Variants in LRRFIP2 observed in about 807,000 individuals in gnomAD.
LRRFIP2 encodes LRR binding FLII interacting protein 2.
LRRFIP2 carries 109 observed loss-of-function variants against 125.9 expected under a neutral mutation model. The ratio of observed to expected loss-of-function variants is 0.87; its 90% CI spans 0.74 to 1.01. The LOEUF (loss-of-function observed/expected upper bound fraction) is 1.01, where lower values mean the gene tolerates loss of function less well. Ranked by LOEUF, LRRFIP2 falls within the 50% of genes least tolerant of loss-of-function variation. The pLI is 0.00. For missense variants in LRRFIP2, 850 were observed against 862.3 expected (o/e 0.99, Z 0.18); for synonymous variants, 291 against 293.1 (o/e 0.99, Z 0.07).
chr3:37,066,371 A>C (rs2090149413), intron 21 of LRRFIP2, 46 bp from the exon 22 acceptor site: 1 of 1,433,356 alleles, frequency 7.0e-7, no homozygotes, highest in Admixed American at 1.7e-5. Context: ...ACAGAAAAAG[A>C]GCAGGTGAAA....
At chr3:37,146,663 G>A (rs1027821389) in intron 2 of LRRFIP2, among the ~76,000 whole-genome samples, 1 of 152,142 alleles carries the variant, frequency 6.6e-6, no homozygotes, top group Non-Finnish European at 1.5e-5. Flanking sequence ...TTTTATGGCT[G>A]CACAATATTC....
At chr3:37,152,392 A>G (rs1402709546) in intron 1 of LRRFIP2, among the ~76,000 whole-genome samples, 3 of 152,214 alleles carry the variant, frequency 2.0e-5, no homozygotes, top group African/African-American at 4.8e-5. Flanking sequence ...AATCACCACT[A>G]AAGAACTTAC....
At chr3:37,103,916 C>T in intron 14 of LRRFIP2, among the ~76,000 whole-genome samples, 1 of 151,998 alleles carries the variant, frequency 6.6e-6, no homozygotes, top group East Asian at 1.9e-4. Flanking sequence ...ACAGGTACTC[C>T]ACAAACATTT....
chr3:37,065,255 G>A, intron 23 of LRRFIP2: 1 of 200,014 alleles, frequency 5.0e-6, no homozygotes, highest in Non-Finnish European at 1.1e-5. Flanking sequence ...GTTTCCTGGA[G>A]AGAGGTGTCA....
In LRRFIP2 at chr3:37,115,448, T is replaced by C. The variant is rs148494505; in HGVS notation, c.331-353A>G. On this transcript the variant is annotated intron_variant, in intron 6 of 27. Transcript: ENST00000336686. ...TTAAGCATTCTAAAGTCAAAAATGC[T>C]TTTTAAGAAAATTATTATCACTTTT... 3.3e-3 allele frequency among the ~76,000 whole-genome samples: 496 copies of C among 152,352 alleles called. 2 individuals are homozygous for C. Among genetic ancestry groups the C allele is most frequent in the African/African-American group, 0.011 (469 of 41,590 alleles).
chr3:37,125,227 T>C (rs1213325122), intron 4 of LRRFIP2, among the ~76,000 whole-genome samples: 2 of 152,246 alleles, frequency 1.3e-5, no homozygotes, highest in Non-Finnish European at 2.9e-5. Flanking sequence ...TATTTGTTAC[T>C]AAGTTGACAC....
At chr3:37,160,222 T>C (rs2096299762) in intron 1 of LRRFIP2, among the ~76,000 whole-genome samples, 1 of 151,806 alleles carries the variant, frequency 6.6e-6, no homozygotes, top group African/African-American at 2.4e-5. Flanking sequence ...AGTATGCATT[T>C]TGAAATGTGG....
intron 19 of LRRFIP2, among the ~76,000 whole-genome samples, chr3:37,082,786 A>C (rs961370589): frequency 2.0e-5 from 3 of 152,202 alleles, no homozygotes; most frequent in Admixed American, 2.0e-4. Context: ...GTCCTCAAGG[A>C]AAGAAATTCC....
Position 37,129,139 on chromosome 3 carries a change from C to T in LRRFIP2, c.101G>A (p.Arg34Lys), listed in dbSNP as rs773473737. 25 of 1,613,684 alleles carry T rather than the reference C, an allele frequency of 1.5e-5. No individual in the cohort carries two copies. The South Asian group carries it at 2.4e-4, about 16-fold the overall frequency. Residue 34 changes from arginine (R) to lysine (K), a missense_variant, in exon 3 of 28, where the codon AGG becomes AAG. Transcript: ENST00000336686. ...CCGGGCAGCCCGTTTTGCTGCCAGC[C>T]TTGCCTCTGCCTGAAAAGTAATATA... ...LSNIAREAEA[R>K]LAAKRAARAE...
chr3:37,097,196 CAA>C (rs567057697), intron 15 of LRRFIP2, among the ~76,000 whole-genome samples: 16 of 120,468 alleles, frequency 1.3e-4, no homozygotes, highest in Admixed American at 1.7e-4. Context: ...TGCACATGAC[CAA>C]AAAAAAAAAA....
At chr3:37,063,533 T>C (rs897958620) in intron 24 of LRRFIP2, among the ~76,000 whole-genome samples, 2 of 152,224 alleles carry the variant, frequency 1.3e-5, no homozygotes, top group Non-Finnish European at 2.9e-5. Flanking sequence ...TAAAAAACTA[T>C]ATGACTCCTT....
In LRRFIP2 at chr3:37,072,806, T is replaced by C. The variant is rs1161561774; in HGVS notation, c.1448A>G (p.Lys483Arg). 1.2e-6 allele frequency: 2 copies of C among 1,612,394 alleles called. No individual in the cohort carries two copies. Among genetic ancestry groups the C allele is most frequent in the Admixed American group, 1.7e-5 (1 of 59,894 alleles). ...VFDLQETLLW[K>R]DKKIGALEKQ... ...ATTTCATACCCCAATTTTTTTATCT[T>C]TCCAAAGAAGTGTCTCCTGGAGGTC... Residue 483 changes from lysine (K) to arginine (R), a missense_variant, in exon 21 of 28, where the codon AAA becomes AGA. Transcript: ENST00000336686.
At chr3:37,120,876 T>TACAC in intron 6 of LRRFIP2, among the ~76,000 whole-genome samples, 1 of 152,136 alleles carries the variant, frequency 6.6e-6, no homozygotes, top group Non-Finnish European at 1.5e-5. Context: ...CTTTAAGGTG[T>TACAC]AAAGCATACT....
intron 1 of LRRFIP2, among the ~76,000 whole-genome samples, chr3:37,171,770 G>A (rs965442414): frequency 6.6e-6 from 1 of 152,122 alleles, no homozygotes; most frequent in Admixed American, 6.6e-5. Context: ...TATAGTAGCC[G>A]ACTTATGCAG....
intron 1 of LRRFIP2, among the ~76,000 whole-genome samples, chr3:37,167,066 A>G (rs1329967309): frequency 6.6e-6 from 1 of 151,032 alleles, no homozygotes. Flanking sequence ...ACATGGTGGT[A>G]CATGCCTGTG....
At chr3:37,132,687 G>A (rs568409798) in intron 2 of LRRFIP2, among the ~76,000 whole-genome samples, 26 of 152,308 alleles carry the variant, frequency 1.7e-4, no homozygotes, top group African/African-American at 5.8e-4. Flanking sequence ...GTAGCAAGGA[G>A]CCAACACTGA....
At chr3:37,084,732 G>C (rs2092916640) in intron 18 of LRRFIP2, among the ~76,000 whole-genome samples, 1 of 151,386 alleles carries the variant, frequency 6.6e-6, no homozygotes, top group African/African-American at 2.4e-5. Flanking sequence ...AAAAAAAAAA[G>C]GTACCACAAA....
intron 2 of LRRFIP2, among the ~76,000 whole-genome samples, chr3:37,138,980 A>G (rs2095625682): frequency 6.6e-6 from 1 of 152,174 alleles, no homozygotes; most frequent in South Asian, 2.1e-4. Context: ...ACTCAAACAC[A>G]AACAATGTGA....
intron 2 of LRRFIP2, among the ~76,000 whole-genome samples, chr3:37,139,538 A>G (rs780525610): frequency 6.6e-6 from 1 of 152,142 alleles, no homozygotes; most frequent in Non-Finnish European, 1.5e-5. Context: ...CACACCCTCC[A>G]AAGCCACTAA....
Sources: allele counts gnomAD v4.1 joint callset (sites outside exome capture counted in the v4.1 genomes callset), GRCh38; gene constraint gnomAD v4.1.1; transcripts MANE v1.5; gene names NCBI Gene and HGNC (gene_info 2026-07-23, HGNC 2026-07-21).